The following METTL21A variants were observed in gnomAD, a reference collection of about 807,000 sequenced individuals.
METTL21A encodes the protein protein N-lysine methyltransferase METTL21A.
A neutral mutation model predicts 20.9 loss-of-function variants in METTL21A; 22 were observed. The observed-to-expected ratio is 1.05, with a 90% CI of 0.75 to 1.50. The LOEUF is 1.50. METTL21A is among the 40% of genes most tolerant of loss of function. The pLI is 0.00. For synonymous variants in METTL21A, 93 were observed against 102.0 expected (o/e 0.91, Z 0.53); for missense variants, 271 against 266.8 (o/e 1.02, Z -0.11).
chr2:207,587,060 T>C (rs1046165718), intron 3 of METTL21A, among the ~76,000 whole-genome samples: 4 of 152,156 alleles, frequency 2.6e-5, no homozygotes, highest in African/African-American at 9.7e-5. Flanking sequence ...GAATGTACAT[T>C]AATGCAGCCA....
At chr2:207,581,950 T>C (rs1348778782) in exon 4 of METTL21A, 3 of 702,728 alleles carry the variant, frequency 4.3e-6, no homozygotes, top group African/African-American at 1.7e-5. Context: ...GTGTTTTCTA[T>C]GGATAGATTG....
At chr2:207,594,869 CTCA>C (rs1372444065) in intron 3 of METTL21A, among the ~76,000 whole-genome samples, 1 of 152,082 alleles carries the variant, frequency 6.6e-6, no homozygotes, top group East Asian at 1.9e-4. Flanking sequence ...TCCTCACATC[CTCA>C]TCAACAATGG....
intron 3 of METTL21A, among the ~76,000 whole-genome samples, chr2:207,619,006 A>C (rs1485780682): frequency 6.6e-6 from 1 of 152,010 alleles, no homozygotes; most frequent in African/African-American, 2.4e-5. Context: ...CCCTTTCACC[A>C]CTGGAAGGGC....
intron 3 of METTL21A, chr2:207,598,573 G>A (rs980367444): frequency 4.0e-5 from 7 of 176,342 alleles, no homozygotes; most frequent in African/African-American, 1.4e-4. Flanking sequence ...GGAGCCGGGC[G>A]CAGTGGCTCA....
Position 207,621,321 on chromosome 2 carries a change from A to C in METTL21A, c.259+485T>G, listed in dbSNP as rs187388961. Among the ~76,000 whole-genome samples the C allele has an allele frequency of 2.0e-3, 311 of 152,372 alleles. 3 individuals are homozygous for C. Among genetic ancestry groups the C allele is most frequent in the African/African-American group, 7.1e-3 (295 of 41,588 alleles). On this transcript the variant is annotated intron_variant, in intron 3 of 3. Coordinates refer to ENST00000406927, the Ensembl canonical transcript of METTL21A. ...AATTTTAAAAATAAGAAGTCAGTACAAACTATAGTGGGGGCTAGCCCTCCC... is the reference window on the plus strand; with the variant it reads ...AATTTTAAAAATAAGAAGTCAGTACCAACTATAGTGGGGGCTAGCCCTCCC...
rs187323653 is a variant in METTL21A, at chr2:207,581,710, G to A, written c.*437C>T. Reference sequence around the variant, plus strand: ...TAATCTTAGTATATTACATAACCAGGGTACATTTATCAAAAATAAAAGTAC... The same window carrying A: ...TAATCTTAGTATATTACATAACCAGAGTACATTTATCAAAAATAAAAGTAC... On this transcript the variant is annotated 3_prime_UTR_variant, in exon 4 of 4. Transcript: ENST00000425132. The A allele has an allele frequency of 1.6e-4, 95 of 591,972 alleles. No individual in the cohort carries two copies. The African/African-American group carries it at 1.7e-3, about 11-fold the overall frequency. 36.7% of individuals were successfully genotyped at this position (591,972 alleles called of 1,614,324 possible). A position where few individuals can be genotyped will look rare whatever the true frequency, so the allele number is the denominator to read the frequency against.
chr2:207,588,921 C>T (rs967310411), intron 3 of METTL21A, among the ~76,000 whole-genome samples: 3 of 151,430 alleles, frequency 2.0e-5, no homozygotes, highest in Admixed American at 1.3e-4. Flanking sequence ...GGATTCTCTA[C>T]ACAAATTATC....
downstream of METTL21A, among the ~76,000 whole-genome samples, chr2:207,605,997 A>T (rs141653401): frequency 4.3e-4 from 65 of 152,328 alleles, 2 homozygotes; most frequent in East Asian, 0.012. Context: ...GACTTTCATA[A>T]GGCTTTCCTT....
intron 3 of METTL21A, among the ~76,000 whole-genome samples, chr2:207,587,802 A>G (rs1168777474): frequency 3.3e-5 from 5 of 152,178 alleles, no homozygotes; most frequent in Admixed American, 3.3e-4. Flanking sequence ...AGGGAAGGTG[A>G]GATAGGGAGC....
intron 3 of METTL21A, among the ~76,000 whole-genome samples, chr2:207,591,462 T>C (rs191184227): frequency 6.6e-6 from 1 of 152,368 alleles, no homozygotes; most frequent in Admixed American, 6.5e-5. Context: ...AATCTTGCTC[T>C]GTTGCCCAGG....
chr2:207,588,583 G>A (rs999323592), intron 3 of METTL21A, among the ~76,000 whole-genome samples: 2 of 151,832 alleles, frequency 1.3e-5, no homozygotes, highest in Admixed American at 1.3e-4. Context: ...AGTTAGGATT[G>A]TGTTGTGTCT....
intron 2 of METTL21A, among the ~76,000 whole-genome samples, chr2:207,623,260 G>T (rs1424116525): frequency 6.6e-6 from 1 of 152,134 alleles, no homozygotes; most frequent in African/African-American, 2.4e-5. Flanking sequence ...TGGATTCCTA[G>T]AAGTGGTATT....
At chr2:207,588,879 G>A (rs1267859062) in intron 3 of METTL21A, among the ~76,000 whole-genome samples, 1 of 137,466 alleles carries the variant, frequency 7.3e-6, no homozygotes, top group Non-Finnish European at 1.6e-5. Context: ...ATTAGTTCTA[G>A]GAGCTTTGTC....
intron 3 of METTL21A, among the ~76,000 whole-genome samples, chr2:207,587,148 CT>C (rs1287793839): frequency 6.6e-6 from 1 of 152,140 alleles, no homozygotes; most frequent in Non-Finnish European, 1.5e-5. Flanking sequence ...AATCCCAGCA[CT>C]TTGGGAGGCC....
intron 3 of METTL21A, among the ~76,000 whole-genome samples, chr2:207,583,185 T>C (rs1368128853): frequency 6.6e-6 from 1 of 152,150 alleles, no homozygotes; most frequent in Non-Finnish European, 1.5e-5. Flanking sequence ...TATGCAAATA[T>C]AATGCCATTT....
chr2:207,608,844 G>A (rs561824610), downstream of METTL21A, among the ~76,000 whole-genome samples: 65 of 152,314 alleles, frequency 4.3e-4, 1 homozygote, highest in East Asian at 5.8e-4. Flanking sequence ...GGAGAATGGC[G>A]TGAATACGGG....
intron 3 of METTL21A, among the ~76,000 whole-genome samples, chr2:207,617,739 C>T (rs2089967383): frequency 6.6e-6 from 1 of 152,092 alleles, no homozygotes; most frequent in African/African-American, 2.4e-5. Flanking sequence ...GGCAGACAGG[C>T]CAGGTGGAAG....
At chr2:207,595,121 G>C (rs2085878193) in intron 3 of METTL21A, among the ~76,000 whole-genome samples, 1 of 150,222 alleles carries the variant, frequency 6.7e-6, no homozygotes, top group South Asian at 2.1e-4. Context: ...TCAGCCTCCT[G>C]AGTAGCTGGG....
At chr2:207,583,627 G>C (rs944099574) in intron 3 of METTL21A, among the ~76,000 whole-genome samples, 3 of 152,032 alleles carry the variant, frequency 2.0e-5, no homozygotes, top group African/African-American at 7.2e-5. Context: ...AGTTAGATTT[G>C]TCACAATCTT....
Sources: allele counts gnomAD v4.1 joint callset (sites outside exome capture counted in the v4.1 genomes callset), GRCh38; gene constraint gnomAD v4.1.1; transcripts MANE v1.5; gene names NCBI Gene and HGNC (gene_info 2026-07-23, HGNC 2026-07-21).